HS6ST1: variants seen among roughly 807,000 people sequenced by gnomAD.
The protein encoded by HS6ST1 is heparan sulfate 6-O-sulfotransferase 1, also known as heparan-sulfate 6-O-sulfotransferase 1.
A neutral mutation model predicts 25.2 loss-of-function variants in HS6ST1; 3 were observed. The ratio of observed to expected loss-of-function variants is 0.12; its 90% CI spans 0.05 to 0.31. The LOEUF is 0.31. Among genes scored for constraint, HS6ST1 ranks in the 10% least tolerant of loss-of-function variants. The probability of loss-of-function intolerance (pLI) is 1.00; values close to 1 mark genes in which losing one functional copy is unlikely to be tolerated. For synonymous variants in HS6ST1, 204 were observed against 275.1 expected, an observed-to-expected ratio of 0.74 and a Z score of 2.56; for missense variants, 310 against 609.6, an observed-to-expected ratio of 0.51 and a Z score of 5.18.
intron 1 of HS6ST1, among the ~76,000 whole-genome samples, chr2:128,303,533 G>C (rs1190198740): frequency 6.6e-6 from 1 of 152,230 alleles, no homozygotes; most frequent in Non-Finnish European, 1.5e-5. Flanking sequence ...AGTCCCACCT[G>C]CACACGCACC....
In HS6ST1 at chr2:128,318,860, G is replaced by A. The variant is rs1170806822; in HGVS notation, c.-297C>T. Among the ~76,000 whole-genome samples, 1 of 147,484 alleles carries A rather than the reference G, an allele frequency of 6.8e-6. No individual in the cohort carries two copies. The highest frequency in any genetic ancestry group is 1.5e-5 in the Non-Finnish European group (1 of 66,220). ...CCCGCTCCGCTCCACTCCGCGCCGA[G>A]AACGCTCTGCGCCGCCCCGCGCGCC... On this transcript the variant is annotated 5_prime_UTR_variant, in exon 1 of 2. Coordinates refer to ENST00000259241, the MANE Select transcript of HS6ST1 (RefSeq NM_004807.3). This position sits in a 1 kb window ranked among gnomAD's most constrained non-coding sequence, Gnocchi z 5.7.
intron 1 of HS6ST1, among the ~76,000 whole-genome samples, chr2:128,317,169 A>G (rs1222908153): frequency 1.3e-5 from 2 of 152,160 alleles, no homozygotes; most frequent in Non-Finnish European, 2.9e-5. Flanking sequence ...GCAGCACCCC[A>G]GGTTCCCCTA....
chr2:128,270,355 TCA>T (rs1176604688), intron 1 of HS6ST1, among the ~76,000 whole-genome samples: 3 of 152,118 alleles, frequency 2.0e-5, no homozygotes, highest in East Asian at 1.9e-4. Flanking sequence ...AGAGCAGGCC[TCA>T]GTTTCCCTGC....
In HS6ST1 at chr2:128,271,347, G is replaced by T. The variant is rs77498754; in HGVS notation, c.528-2477C>A. ...TCATGTCTGGAGCCACCTAGCCAGC[G>T]CTGGGCCTAATGACTGAGGGAGCAG... is the stretch of plus-strand genomic sequence containing the variant. On this transcript the variant is annotated intron_variant, in intron 1 of 1. Transcript: ENST00000259241. Among the ~76,000 whole-genome samples, 3 of 152,286 alleles carry T rather than the reference G, an allele frequency of 2.0e-5. 1 individual carries two copies. In the South Asian group the frequency reaches 6.2e-4, roughly 32 times the overall value.
chr2:128,300,686 G>A (rs1195222755), intron 1 of HS6ST1, among the ~76,000 whole-genome samples: 3 of 152,200 alleles, frequency 2.0e-5, no homozygotes, highest in East Asian at 1.9e-4. Context: ...GGTGGAGGAC[G>A]AGGATGCCCA....
chr2:128,311,841 G>A (rs1032981699), intron 1 of HS6ST1, among the ~76,000 whole-genome samples: 35 of 152,188 alleles, frequency 2.3e-4, no homozygotes, highest in African/African-American at 7.7e-4. Context: ...GGCATCGGTG[G>A]TGCAGGACCA....
intron 1 of HS6ST1, among the ~76,000 whole-genome samples, chr2:128,301,794 C>A (rs911473480): frequency 6.6e-6 from 1 of 152,160 alleles, no homozygotes; most frequent in Non-Finnish European, 1.5e-5. Flanking sequence ...CCCGCTGGGC[C>A]CAGCCTCCAT....
In HS6ST1 at chr2:128,305,194, T is replaced by C. The variant is rs73956994; in HGVS notation, c.527+12843A>G. On this transcript the variant is annotated intron_variant, in intron 1 of 1. Transcript: ENST00000259241. The stretch of plus-strand genomic sequence containing the variant: ...CACACCAATCCCAATACCTGCCTTT[T>C]ACCCACTTGGCTGAAACCTGACACC... Among the ~76,000 whole-genome samples, 351 of 152,352 alleles carry C rather than the reference T, an allele frequency of 2.3e-3. 3 individuals are homozygous for C. Among genetic ancestry groups the C allele is most frequent in the Middle Eastern group, 0.01 (3 of 292 alleles).
intron 1 of HS6ST1, among the ~76,000 whole-genome samples, chr2:128,310,587 C>T (rs1275435494): frequency 3.9e-5 from 3 of 77,398 alleles, no homozygotes; most frequent in Admixed American, 1.5e-4. Flanking sequence ...AGGAAAACAG[C>T]CCCATCTTCA....
chr2:128,312,577 C>A (rs1447765731), intron 1 of HS6ST1, among the ~76,000 whole-genome samples: 1 of 152,168 alleles, frequency 6.6e-6, no homozygotes, highest in Non-Finnish European at 1.5e-5. Context: ...GGGAGCTGCA[C>A]CCCTCTCTCA....
intron 1 of HS6ST1, among the ~76,000 whole-genome samples, chr2:128,308,078 T>C (rs537715047): frequency 1.3e-5 from 2 of 152,184 alleles, no homozygotes; most frequent in South Asian, 4.1e-4. Flanking sequence ...TCTGGAAAGT[T>C]AGTAACATCA....
At chr2:128,299,838 G>A (rs755679788) in intron 1 of HS6ST1, among the ~76,000 whole-genome samples, 1 of 152,212 alleles carries the variant, frequency 6.6e-6, no homozygotes, top group Non-Finnish European at 1.5e-5. Context: ...GAGGCTGGGG[G>A]TGCTGGCGAG....
At chr2:128,280,982 C>T (rs191644040) in intron 1 of HS6ST1, among the ~76,000 whole-genome samples, 9 of 152,388 alleles carry the variant, frequency 5.9e-5, no homozygotes, top group African/African-American at 2.2e-4. Context: ...ACCTGACAGC[C>T]TGGGCGTGTC....
chr2:128,271,603 T>G (rs1377293282), intron 1 of HS6ST1, among the ~76,000 whole-genome samples: 1 of 152,174 alleles, frequency 6.6e-6, no homozygotes, highest in Non-Finnish European at 1.5e-5. Context: ...GTGTTTCTGC[T>G]CAGTTCTGTC....
intron 1 of HS6ST1, among the ~76,000 whole-genome samples, chr2:128,274,947 G>A (rs1316259794): frequency 1.6e-5 from 2 of 121,356 alleles, no homozygotes; most frequent in Non-Finnish European, 3.2e-5. Flanking sequence ...CTGGGTGACA[G>A]AGCGAGACTC....
intron 1 of HS6ST1, among the ~76,000 whole-genome samples, chr2:128,280,366 G>A (rs1693767230): frequency 6.6e-6 from 1 of 152,218 alleles, no homozygotes; most frequent in Non-Finnish European, 1.5e-5. Flanking sequence ...CCTTCTGAGA[G>A]GGGGCACCTG....
At chr2:128,282,169 C>T (rs1034315052) in intron 1 of HS6ST1, among the ~76,000 whole-genome samples, 1 of 152,210 alleles carries the variant, frequency 6.6e-6, no homozygotes, top group Non-Finnish European at 1.5e-5. Flanking sequence ...TGACTAGGAA[C>T]AAAAATCACA....
At chr2:128,274,951 G>A (rs998464020) in intron 1 of HS6ST1, among the ~76,000 whole-genome samples, 3 of 126,746 alleles carry the variant, frequency 2.4e-5, no homozygotes, top group Admixed American at 9.1e-5. Flanking sequence ...GTGACAGAGC[G>A]AGACTCCGTC....
rs529831650 is a variant in HS6ST1 at position 128,285,414 on chromosome 2, G to A, written c.528-16544C>T. 4.6e-5 allele frequency among the ~76,000 whole-genome samples: 7 copies of A among 152,306 alleles called. No individual in the cohort carries two copies. In the South Asian group the frequency reaches 6.2e-4, roughly 14 times the overall value. On this transcript the variant is annotated intron_variant, in intron 1 of 1. Coordinates refer to ENST00000259241, the MANE Select transcript of HS6ST1 (RefSeq NM_004807.3). ...ACAGACCCCACTGGGGCCCAACAAC[G>A]TGAGGCCCTGCCTTGCCCTGCACTG...
Sources: gnomAD v4.1 joint callset for allele counts (sites outside exome capture counted in the v4.1 genomes callset) on GRCh38, gnomAD v4.1.1 for gene constraint, Gnocchi (gnomAD v3.1) non-coding constraint, MANE v1.5 for transcripts, NCBI Gene and HGNC (gene_info 2026-07-23, HGNC 2026-07-21) for gene names.